The following DPYSL4 variants were observed in gnomAD, a reference collection of about 807,000 sequenced individuals.
The protein encoded by DPYSL4 is dihydropyrimidinase-related protein 4.
Under a neutral mutation model 63.4 loss-of-function variants are expected in DPYSL4, and 43 were observed. The ratio of observed to expected loss-of-function variants is 0.68; its 90% CI spans 0.53 to 0.88. The LOEUF (loss-of-function observed/expected upper bound fraction) is 0.88, where lower values mean the gene tolerates loss of function less well. DPYSL4 is among the 40% of genes least tolerant of loss of function. The pLI, the probability that DPYSL4 is intolerant of heterozygous loss-of-function variation, is 0.00. For synonymous variants in DPYSL4, 353 were observed against 331.7 expected (o/e 1.06, Z -0.70); for missense variants, 733 against 819.5 (o/e 0.89, Z 1.29).
chr10:132,187,284 C>T (rs540367846), intron 1 of DPYSL4, among the ~76,000 whole-genome samples, 182 bp downstream of exon 1: 7 of 151,712 alleles, frequency 4.6e-5, no homozygotes, highest in Admixed American at 1.3e-4. Context: ...CGAGAGTCCC[C>T]GCTAGCGCCG....
At chr10:132,192,969 ATCTG>A (rs1393504693) in intron 3 of DPYSL4, 127 bp downstream of exon 3, 3 of 965,824 alleles carry the variant, frequency 3.1e-6, no homozygotes, top group African/African-American at 1.7e-5. Context: ...CCTTTATTGC[ATCTG>A]TCTGAGAACC....
chr10:132,192,381 C>G (rs1278377112), intron 2 of DPYSL4: 1 of 1,095,134 alleles, frequency 9.1e-7, no homozygotes, highest in African/African-American at 1.6e-5. Context: ...GCTCCGTCCT[C>G]TAGTCAAAAA....
In DPYSL4 at chr10:132,190,949, T is replaced by C. The variant is rs868352819; in HGVS notation, c.128+114T>C. On this transcript the variant is annotated intron_variant, in intron 2 of 13. Transcript: ENST00000338492. ...AGCTCGTGTGTACACGCTGGTCACG[T>C]GGTATCCAGGCAGGTGAAAGTATGT... The C allele has an allele frequency of 1.4e-4, 145 of 1,028,386 alleles. No homozygotes were observed. The Middle Eastern group carries it at 3.2e-3, about 23-fold the overall frequency. 63.7% of individuals were successfully genotyped at this position (1,028,386 alleles called of 1,614,324 possible). A position where few individuals can be genotyped will look rare whatever the true frequency, so the allele number is the denominator to read the frequency against.
intron 10 of DPYSL4, among the ~76,000 whole-genome samples, chr10:132,201,245 T>G (rs1372787334): frequency 3.3e-5 from 5 of 152,126 alleles, no homozygotes; most frequent in African/African-American, 4.8e-5. Flanking sequence ...GACACTGTGT[T>G]TGCCCAGGGG....
In DPYSL4 at chr10:132,198,908, C is replaced by CT. The variant is rs1412522817; in HGVS notation, c.749dup (p.Tyr251ValfsTer109). On this transcript the variant is annotated frameshift_variant, in exon 8 of 14. Coordinates refer to ENST00000338492, the MANE Select transcript of DPYSL4 (RefSeq NM_006426.3). LOFTEE classifies it high-confidence loss of function. The stretch of plus-strand genomic sequence containing the variant: ...CATCGCCAAGCAGGCAAACTGCCCG[C>CT]TGTACGTCACCAAGGTGATGAGCAA... 1 of 1,612,970 alleles carries CT rather than the reference C, an allele frequency of 6.2e-7. No individual in the cohort carries two copies. The highest frequency in any genetic ancestry group is 8.5e-7 in the Non-Finnish European group (1 of 1,179,926).
chr10:132,197,203 C>T (rs563095446), intron 6 of DPYSL4, 102 bp downstream of exon 6: 62 of 1,035,448 alleles, frequency 6.0e-5, no homozygotes, highest in Admixed American at 4.1e-4. Context: ...TTTCATGATA[C>T]GCAGACATCA....
At chr10:132,191,039 G>A (rs1196691851) in intron 2 of DPYSL4, among the ~76,000 whole-genome samples, 2 of 122,818 alleles carry the variant, frequency 1.6e-5, no homozygotes, top group South Asian at 2.8e-4. Context: ...TTCCCAGCTC[G>A]TGTGTACACG....
intron 10 of DPYSL4, among the ~76,000 whole-genome samples, chr10:132,201,309 G>A (rs1030119835): frequency 9.2e-5 from 14 of 152,060 alleles, no homozygotes; most frequent in African/African-American, 2.7e-4. Flanking sequence ...ATGCCCTCAC[G>A]ACCCGTCGCA....
chr10:132,199,742 G>C (rs973690341), intron 8 of DPYSL4, among the ~76,000 whole-genome samples: 1 of 152,084 alleles, frequency 6.6e-6, no homozygotes, highest in Non-Finnish European at 1.5e-5. Context: ...CCTGCATCGA[G>C]GGTTGAAACT....
chr10:132,191,392 T>C (rs911993479), intron 2 of DPYSL4, among the ~76,000 whole-genome samples: 1 of 137,888 alleles, frequency 7.3e-6, no homozygotes, highest in Non-Finnish European at 1.6e-5. Flanking sequence ...TCACGTGGTA[T>C]CCAGGCAGGT....
intron 4 of DPYSL4, 30 bp downstream of exon 4, chr10:132,195,039 G>A (rs746387825): frequency 4.3e-5 from 69 of 1,588,924 alleles, no homozygotes; most frequent in Non-Finnish European, 5.5e-5. Flanking sequence ...CTGGAGGGCG[G>A]GCATGGAGCC....
At position 132,194,994 on chromosome 10, in the gene DPYSL4, C is replaced by T. The variant is rs2061924714; in HGVS notation, c.463C>T (p.Leu155=). The T allele has an allele frequency of 6.2e-7, 1 of 1,604,934 alleles. No homozygotes were observed. Reference sequence around the variant, plus strand: ...GAGCATCAAGGAGGAGCTGGAGGCCCTGGTCAAGGAGAAGGGTGAGGGTGG... The same window carrying T: ...GAGCATCAAGGAGGAGCTGGAGGCCTTGGTCAAGGAGAAGGGTGAGGGTGG... ...HESIKEELEA[L]VKEKGVNSFL... The change falls in exon 4 of 14, where the codon CTG becomes TTG. Residue 155 remains leucine, a synonymous_variant. Transcript: ENST00000338492.
rs1376330098 is a variant in DPYSL4 at position 132,187,107 on chromosome 10, G to GCCCGGTCCCGCTTCGCCCGGCGCC, written c.39+9_39+32dup. The GCCCGGTCCCGCTTCGCCCGGCGCC allele has an allele frequency of 1.3e-6, 2 of 1,490,794 alleles. No individual in the cohort carries two copies. The highest frequency in any genetic ancestry group is 1.8e-6 in the Non-Finnish European group (2 of 1,109,448). The allele number at this position is 1,490,794 out of a possible 1,614,324, so 92.3% of individuals were successfully genotyped here. A position where few individuals can be genotyped will look rare whatever the true frequency, so the allele number is the denominator to read the frequency against. ...AAAAGCATCCCCCGGATCACGGTGA[G>GCCCGGTCCCGCTTCGCCCGGCGCC]CCCGGTCCCGCTTCGCCCGGCGCCC... On this transcript the variant is annotated splice_donor_region_variant and intron_variant, in intron 1 of 13. Transcript: ENST00000338492.
chr10:132,192,970 T>G, intron 3 of DPYSL4, 128 bp downstream of exon 3: 1 of 955,704 alleles, frequency 1.0e-6, no homozygotes, highest in South Asian at 1.9e-5. Context: ...CTTTATTGCA[T>G]CTGTCTGAGA....
chr10:132,189,197 C>T (rs1257112974), intron 1 of DPYSL4, among the ~76,000 whole-genome samples: 3 of 152,354 alleles, frequency 2.0e-5, no homozygotes. Flanking sequence ...TAAATGCAGA[C>T]GGTCAGTCCT....
At chr10:132,195,830 G>A (rs575248832) in intron 4 of DPYSL4, among the ~76,000 whole-genome samples, 2 of 152,338 alleles carry the variant, frequency 1.3e-5, no homozygotes, top group South Asian at 2.1e-4. Flanking sequence ...GAGTGGACTC[G>A]GGAGGCCTGT....
intron 4 of DPYSL4, among the ~76,000 whole-genome samples, chr10:132,195,548 G>A (rs1269504716): frequency 2.6e-5 from 4 of 152,176 alleles, no homozygotes; most frequent in African/African-American, 4.8e-5. Flanking sequence ...AGGTGGGGGC[G>A]GGATGGGGTC....
intron 1 of DPYSL4, among the ~76,000 whole-genome samples, chr10:132,190,445 T>C (rs910288138): frequency 1.3e-5 from 2 of 152,258 alleles, no homozygotes; most frequent in Non-Finnish European, 2.9e-5. Context: ...AATCCAGTGG[T>C]AAATCAGAAG....
chr10:132,196,274 G>A (rs991080015), intron 4 of DPYSL4, among the ~76,000 whole-genome samples: 8 of 152,322 alleles, frequency 5.3e-5, no homozygotes, highest in Non-Finnish European at 7.4e-5. Flanking sequence ...CCAGGAAACA[G>A]GAGAGCTCAG....
Sources: allele counts gnomAD v4.1 joint callset (sites outside exome capture counted in the v4.1 genomes callset), GRCh38; gene constraint gnomAD v4.1.1; transcripts MANE v1.5; gene names NCBI Gene and HGNC (gene_info 2026-07-23, HGNC 2026-07-21).